The following TDRD7 variants were observed in gnomAD, a reference collection of about 807,000 sequenced individuals.
The protein encoded by TDRD7 is tudor domain-containing protein 7.
TDRD7 carries 47 observed loss-of-function variants against 109.8 expected under a neutral mutation model. The observed-to-expected ratio is 0.43, with a 90% CI of 0.34 to 0.55. The LOEUF (loss-of-function observed/expected upper bound fraction) is 0.55. Among genes scored for constraint, TDRD7 ranks in the 20% least tolerant of loss-of-function variants. The probability of loss-of-function intolerance (pLI) is 0.03; values close to 1 mark genes in which losing one functional copy is unlikely to be tolerated. For missense variants in TDRD7, 1,164 were observed against 1,319.2 expected (o/e 0.88, Z 1.82); for synonymous variants, 424 against 457.3 (o/e 0.93, Z 0.93).
At chr9:97,449,684 T>C (rs1037271436) in intron 6 of TDRD7, among the ~76,000 whole-genome samples, 1 of 152,178 alleles carries the variant, frequency 6.6e-6, no homozygotes, top group African/African-American at 2.4e-5. Context: ...CCATTGACCA[T>C]TGGTGATCAG....
intron 6 of TDRD7, among the ~76,000 whole-genome samples, chr9:97,455,238 A>G (rs1448606643): frequency 6.6e-6 from 1 of 152,184 alleles, no homozygotes; most frequent in Non-Finnish European, 1.5e-5. Context: ...GCTGAATTCT[A>G]CCAGAAATAC....
At chr9:97,449,564 C>T (rs976053507) in intron 6 of TDRD7, among the ~76,000 whole-genome samples, 1 of 152,182 alleles carries the variant, frequency 6.6e-6, no homozygotes, top group African/African-American at 2.4e-5. Context: ...ATGGGGGAAG[C>T]AGCATGGAGT....
chr9:97,492,437 C>G (rs1320945322), intron 16 of TDRD7, among the ~76,000 whole-genome samples: 1 of 152,228 alleles, frequency 6.6e-6, no homozygotes, highest in Non-Finnish European at 1.5e-5. Context: ...TCACTGTATA[C>G]TTCCTTCTCC....
chr9:97,419,871 A>G (rs1027614042), intron 1 of TDRD7, among the ~76,000 whole-genome samples: 3 of 152,198 alleles, frequency 2.0e-5, no homozygotes, highest in Admixed American at 1.3e-4. Flanking sequence ...GGCATCAAAC[A>G]GACCTGGATT....
At chr9:97,495,105 C>T (rs1461842831) in intron 16 of TDRD7, among the ~76,000 whole-genome samples, 1 of 152,116 alleles carries the variant, frequency 6.6e-6, no homozygotes, top group Non-Finnish European at 1.5e-5. Flanking sequence ...GTTCTTTTAT[C>T]ATAGGTGAGA....
intron 6 of TDRD7, among the ~76,000 whole-genome samples, chr9:97,443,166 T>A (rs1233376058): frequency 6.6e-6 from 1 of 152,174 alleles, no homozygotes; most frequent in Non-Finnish European, 1.5e-5. Flanking sequence ...ACTGGTGTCA[T>A]TCAATCATTC....
At chr9:97,473,229 A>G (rs891398797) in intron 10 of TDRD7, among the ~76,000 whole-genome samples, 1 of 152,246 alleles carries the variant, frequency 6.6e-6, no homozygotes, top group African/African-American at 2.4e-5. Context: ...TTGGCCTTTC[A>G]GACAATGGAG....
chr9:97,424,730 A>T (rs535320621), intron 1 of TDRD7, among the ~76,000 whole-genome samples: 1 of 151,926 alleles, frequency 6.6e-6, no homozygotes, highest in South Asian at 2.1e-4. Flanking sequence ...TTTTTTATCC[A>T]CTCTGCCAAC....
chr9:97,474,283 C>A (rs776399109), intron 11 of TDRD7, among the ~76,000 whole-genome samples: 1 of 152,148 alleles, frequency 6.6e-6, no homozygotes, highest in Non-Finnish European at 1.5e-5. Flanking sequence ...TCAGAATATG[C>A]TGTGGTTTCC....
At position 97,461,301 on chromosome 9, in the gene TDRD7, T is replaced by C. The variant is rs1377480608; in HGVS notation, c.1442+537T>C. 2.0e-5 allele frequency among the ~76,000 whole-genome samples: 3 copies of C among 152,338 alleles called. No homozygotes were observed. The East Asian group carries it at 5.8e-4, about 29-fold the overall frequency. ...AATATGAACTTGAAAAAAAGATTCA[T>C]GTCAAAAGCTTGTTGGTAACTATAT... On this transcript the variant is annotated intron_variant, in intron 7 of 16. Transcript: ENST00000355295.
rs113418680 is a variant in TDRD7, at chr9:97,455,523, T to C, written c.856-4655T>C. 1.1e-4 allele frequency among the ~76,000 whole-genome samples: 17 copies of C among 152,268 alleles called. 1 individual carries two copies. Among genetic ancestry groups the C allele is most frequent in the South Asian group, 4.1e-4 (2 of 4,832 alleles). ...TGGGATGCAAGCCTGGTTCAACATATGTAAATCAGTAAATGTAATCCATCA... is the reference window on the plus strand; with the variant it reads ...TGGGATGCAAGCCTGGTTCAACATACGTAAATCAGTAAATGTAATCCATCA... On this transcript the variant is annotated intron_variant, in intron 6 of 16. Transcript: ENST00000355295.
intron 16 of TDRD7, among the ~76,000 whole-genome samples, chr9:97,492,535 A>G (rs1451932510): frequency 6.6e-6 from 1 of 152,250 alleles, no homozygotes; most frequent in African/African-American, 2.4e-5. Context: ...TAAAATTACC[A>G]GTAAATTCCT....
At chr9:97,484,142 G>T (rs1829170409) in intron 15 of TDRD7, among the ~76,000 whole-genome samples, 1 of 152,188 alleles carries the variant, frequency 6.6e-6, no homozygotes, top group Non-Finnish European at 1.5e-5. Context: ...TGGCATCTGT[G>T]CCATCTTTCA....
At chr9:97,471,359 G>A (rs886104175) in intron 9 of TDRD7, among the ~76,000 whole-genome samples, 1 of 152,178 alleles carries the variant, frequency 6.6e-6, no homozygotes, top group Non-Finnish European at 1.5e-5. Flanking sequence ...CTCCTTCCCA[G>A]TGGGATGAAT....
chr9:97,461,985 C>G (rs935779882), intron 7 of TDRD7, among the ~76,000 whole-genome samples: 4 of 152,210 alleles, frequency 2.6e-5, no homozygotes, highest in African/African-American at 9.7e-5. Context: ...TTCAGATGCT[C>G]AAACTGGAAG....
intron 1 of TDRD7, among the ~76,000 whole-genome samples, chr9:97,425,043 A>G (rs150050234): frequency 1.3e-5 from 2 of 152,098 alleles, no homozygotes; most frequent in Admixed American, 1.3e-4. Context: ...TGTGTAGTGT[A>G]AGAACCTTCC....
At chr9:97,445,031 A>G (rs975280006) in intron 6 of TDRD7, among the ~76,000 whole-genome samples, 1 of 152,206 alleles carries the variant, frequency 6.6e-6, no homozygotes, top group East Asian at 1.9e-4. Context: ...GTGTACTGAG[A>G]GTTTTCAAAG....
intron 1 of TDRD7, among the ~76,000 whole-genome samples, chr9:97,426,174 A>G (rs1020843916): frequency 3.3e-5 from 5 of 152,238 alleles, no homozygotes; most frequent in African/African-American, 9.7e-5. Flanking sequence ...AAGGCCTAGG[A>G]CATTACTGTA....
intron 15 of TDRD7, among the ~76,000 whole-genome samples, chr9:97,484,179 A>G (rs1829171054): frequency 6.6e-6 from 1 of 151,722 alleles, no homozygotes; most frequent in Admixed American, 6.6e-5. Flanking sequence ...TTATTTCACT[A>G]CTCTTTGGCC....
Sources: allele counts gnomAD v4.1 joint callset (sites outside exome capture counted in the v4.1 genomes callset), GRCh38; gene constraint gnomAD v4.1.1; transcripts MANE v1.5; gene names NCBI Gene and HGNC (gene_info 2026-07-23, HGNC 2026-07-21).